Variants in ZFHX3 observed in about 807,000 individuals in gnomAD.
ZFHX3 encodes zinc finger homeobox protein 3.
ZFHX3 carries 42 observed loss-of-function variants against 279.1 expected under a neutral mutation model. That is an observed-to-expected ratio of 0.15 (90% CI 0.12 to 0.19). ZFHX3 has a LOEUF of 0.19. Among genes scored for constraint, ZFHX3 ranks in the 10% least tolerant of loss-of-function variants. ZFHX3 has a pLI of 1.00. For synonymous variants in ZFHX3, 2,293 were observed against 1,957.8 expected, an observed-to-expected ratio of 1.17 and a Z score of -4.52; for missense variants, 4,981 against 4,754.0, an observed-to-expected ratio of 1.05 and a Z score of -1.40.
chr16:73,100,083 A>G (rs1163338489), intron 7 of ZFHX3, among the ~76,000 whole-genome samples: 1 of 152,218 alleles, frequency 6.6e-6, no homozygotes, highest in East Asian at 1.9e-4. Flanking sequence ...TGGAGAAGCC[A>G]TAGGTTTTAC....
chr16:73,659,334 G>C (rs2052755306), intron 2 of ZFHX3, among the ~76,000 whole-genome samples: 1 of 152,140 alleles, frequency 6.6e-6, no homozygotes, highest in African/African-American at 2.4e-5. Flanking sequence ...GGACCCTGAA[G>C]TAGCTTCAAA....
intron 5 of ZFHX3, among the ~76,000 whole-genome samples, chr16:72,823,002 G>T (rs964395045): frequency 6.6e-6 from 1 of 152,086 alleles, no homozygotes; most frequent in Admixed American, 6.5e-5. Context: ...CATAAAAATA[G>T]TTCATGATTT....
chr16:72,990,146 G>T (rs564016005), intron 1 of ZFHX3, among the ~76,000 whole-genome samples: 14 of 152,134 alleles, frequency 9.2e-5, no homozygotes, highest in Non-Finnish European at 2.1e-4. Context: ...AGAGGGACAC[G>T]CCTCCCTAAC....
intron 2 of ZFHX3, among the ~76,000 whole-genome samples, chr16:73,496,226 T>C (rs1442848008): frequency 2.0e-5 from 3 of 152,240 alleles, no homozygotes; most frequent in Non-Finnish European, 4.4e-5. Context: ...CTTGGCCTTT[T>C]GCTTTTCTTA....
intron 2 of ZFHX3, among the ~76,000 whole-genome samples, chr16:73,579,049 C>T (rs534211739): frequency 1.3e-5 from 2 of 152,318 alleles, no homozygotes; most frequent in African/African-American, 2.4e-5. Context: ...TGATAAGAAA[C>T]ATTTACAATC....
intron 6 of ZFHX3, among the ~76,000 whole-genome samples, chr16:73,141,877 T>C (rs572795970): frequency 1.3e-5 from 2 of 152,322 alleles, no homozygotes; most frequent in Admixed American, 6.5e-5. Flanking sequence ...TGACTGTGTG[T>C]CTGGAGCAGA....
At chr16:73,876,566 CT>C (rs751061887) in intron 1 of ZFHX3, among the ~76,000 whole-genome samples, 1 of 152,086 alleles carries the variant, frequency 6.6e-6, no homozygotes, top group Non-Finnish European at 1.5e-5. Flanking sequence ...TATCACTTTT[CT>C]TTTTTTGCTT....
At chr16:73,087,001 G>T (rs1265982310) in intron 8 of ZFHX3, among the ~76,000 whole-genome samples, 3 of 152,108 alleles carry the variant, frequency 2.0e-5, no homozygotes, top group Non-Finnish European at 4.4e-5. Context: ...ACAAATGTTT[G>T]AGGTGACAGG....
intron 1 of ZFHX3, among the ~76,000 whole-genome samples, chr16:73,688,960 A>T (rs917732941): frequency 3.9e-5 from 6 of 152,114 alleles, no homozygotes; most frequent in African/African-American, 1.2e-4. Context: ...GCCATGTGGA[A>T]CTGTGAGTCC....
In ZFHX3 at chr16:72,889,833, C is replaced by G. The variant is rs750992243; in HGVS notation, c.3346G>C (p.Glu1116Gln). ...HVRSMKHQRSESLRKLQRLQK... is the reference protein window; with the variant it reads ...HVRSMKHQRSQSLRKLQRLQK... ...AGCCGCTGCAGCTTTCGCAGGCTCT[C>G]GCTTCGCTGGTGCTTCATGGAGCGC... Residue 1116 changes from glutamate (E) to glutamine (Q), a missense_variant, in exon 4 of 10, where the codon GAG becomes CAG. Transcript: ENST00000268489. 1 of 1,614,084 alleles carries G rather than the reference C, an allele frequency of 6.2e-7. No homozygotes were observed. The highest frequency in any genetic ancestry group is 8.5e-7 in the Non-Finnish European group (1 of 1,180,048).
intron 3 of ZFHX3, among the ~76,000 whole-genome samples, chr16:73,352,678 T>A (rs1396567749): frequency 6.6e-6 from 1 of 151,794 alleles, no homozygotes; most frequent in African/African-American, 2.4e-5. Flanking sequence ...AGTGATGCGG[T>A]CTTGCTATGT....
At chr16:73,039,106 G>A (rs1965017023) in intron 1 of ZFHX3, among the ~76,000 whole-genome samples, 1 of 146,004 alleles carries the variant, frequency 6.8e-6, no homozygotes, top group African/African-American at 2.5e-5. Context: ...ATGCCACCGA[G>A]CCTAGCTAAT....
chr16:73,746,535 G>A (rs1208104073), intron 1 of ZFHX3, among the ~76,000 whole-genome samples: 1 of 152,200 alleles, frequency 6.6e-6, no homozygotes. Context: ...CCTCTGGGGA[G>A]TCCAGGGGCT....
chr16:72,990,123 T>C (rs1193200313), intron 1 of ZFHX3, among the ~76,000 whole-genome samples: 1 of 152,126 alleles, frequency 6.6e-6, no homozygotes, highest in Non-Finnish European at 1.5e-5. Context: ...GATTTCTGAC[T>C]CAGCCAGTCA....
chr16:73,055,821 C>T (rs1735635131), intron 1 of ZFHX3, among the ~76,000 whole-genome samples: 1 of 148,994 alleles, frequency 6.7e-6, no homozygotes, highest in African/African-American at 2.5e-5. Flanking sequence ...CTTTGCGGGC[C>T]CCCCAAATCC....
chr16:73,534,106 C>A (rs2019853400), intron 2 of ZFHX3, among the ~76,000 whole-genome samples: 1 of 152,124 alleles, frequency 6.6e-6, no homozygotes, highest in African/African-American at 2.4e-5. Flanking sequence ...TTACAAGGGC[C>A]TGCAAGGTGA....
In ZFHX3 at chr16:73,843,685, T is replaced by G. The variant is rs190717012; in HGVS notation, c.-1608+47966A>C. Among the ~76,000 whole-genome samples the G allele has an allele frequency of 2.6e-5, 4 of 152,348 alleles. No individual in the cohort carries two copies. The East Asian group carries it at 5.8e-4, about 22-fold the overall frequency. On this transcript the variant is annotated intron_variant, in intron 1 of 17. Transcript: ENST00000641206. ...CCCCGCTTCTCACAGCAAGATACCC[T>G]GTATTTTTTAATCAGTGGGTTTACT...
intron 3 of ZFHX3, among the ~76,000 whole-genome samples, chr16:72,947,789 G>C (rs777423684): frequency 6.6e-6 from 1 of 152,160 alleles, no homozygotes; most frequent in South Asian, 2.1e-4. Context: ...ATCTGGAGCG[G>C]TTTCTCTAGC....
intron 2 of ZFHX3, among the ~76,000 whole-genome samples, chr16:73,459,843 C>T (rs915223364): frequency 2.6e-5 from 4 of 152,192 alleles, no homozygotes; most frequent in Admixed American, 2.6e-4. Context: ...CTCCTGAGAA[C>T]TCACTGACTA....
Sources: gnomAD v4.1 joint callset for allele counts (sites outside exome capture counted in the v4.1 genomes callset) on GRCh38, gnomAD v4.1.1 for gene constraint, MANE v1.5 for transcripts, NCBI Gene and HGNC (gene_info 2026-07-23, HGNC 2026-07-21) for gene names.